Variants in LPP observed in about 807,000 individuals in gnomAD.
The protein encoded by LPP is lipoma-preferred partner.
A neutral mutation model predicts 60.4 loss-of-function variants in LPP; 38 were observed. The observed-to-expected ratio is 0.63, with a 90% confidence interval of 0.49 to 0.83. LPP has a LOEUF of 0.83. Ranked by LOEUF, LPP falls within the 40% of genes least tolerant of loss-of-function variation. The pLI is 0.00. For synonymous variants in LPP, 328 were observed against 290.8 expected, an observed-to-expected ratio of 1.13 and a Z score of -1.30; for missense variants, 902 against 783.6, an observed-to-expected ratio of 1.15 and a Z score of -1.80.
Position 188,154,209 on chromosome 3 carries a change from G to GCCGCCACCA in LPP, c.-230_-222dup, listed in dbSNP as rs1560064400. Among the ~76,000 whole-genome samples the GCCGCCACCA allele has an allele frequency of 2.6e-5, 4 of 151,466 alleles. No individual in the cohort carries two copies. Among genetic ancestry groups the GCCGCCACCA allele is most frequent in the Middle Eastern group, 3.4e-3 (1 of 292 alleles). ...TCCAGCCGCCGCCGCCGCCGCCGCCGCCGCCACCACCACCGCCGCTGCCCC... is the reference window on the plus strand; with the variant it reads ...TCCAGCCGCCGCCGCCGCCGCCGCCGCCGCCACCACCGCCACCACCACCGCCGCTGCCCC... On this transcript the variant is annotated 5_prime_UTR_variant, in exon 1 of 12. Coordinates refer to ENST00000617246, the MANE Select transcript of LPP (RefSeq NM_001375462.1).
intron 6 of LPP, among the ~76,000 whole-genome samples, chr3:188,543,944 G>C (rs897739043): frequency 1.1e-4 from 17 of 152,162 alleles, no homozygotes. Flanking sequence ...TTTATTTGTA[G>C]AATCTGTCAA....
At chr3:188,266,458 GGGAGAAGATGTGAAA>G (rs1017644742) in intron 2 of LPP, among the ~76,000 whole-genome samples, 1 of 151,794 alleles carries the variant, frequency 6.6e-6, no homozygotes, top group Non-Finnish European at 1.5e-5. Context: ...AAAGTGGCTG[GGGAGAAGATGTGAAA>G]GGAGAGAGAG....
chr3:188,767,458 A>G (rs113468968), intron 9 of LPP, among the ~76,000 whole-genome samples: 29 of 152,282 alleles, frequency 1.9e-4, no homozygotes, highest in African/African-American at 6.5e-4. Flanking sequence ...ACCTTAACAC[A>G]TTGCTTTTAG....
intron 7 of LPP, among the ~76,000 whole-genome samples, chr3:188,685,328 G>A (rs1311455079): frequency 1.3e-5 from 2 of 152,074 alleles, no homozygotes; most frequent in East Asian, 3.9e-4. Flanking sequence ...AGAATGGCTG[G>A]CTGTTGGTGT....
intron 2 of LPP, among the ~76,000 whole-genome samples, chr3:188,235,117 G>A (rs1721417856): frequency 6.6e-6 from 1 of 152,144 alleles, no homozygotes; most frequent in African/African-American, 2.4e-5. Context: ...AGAAGGAACT[G>A]GAAGTGCTTA....
chr3:188,830,008 T>TAA (rs11360601), intron 9 of LPP, among the ~76,000 whole-genome samples: 13 of 144,080 alleles, frequency 9.0e-5, no homozygotes, highest in African/African-American at 2.6e-4. Flanking sequence ...CCCATCTCAT[T>TAA]AAAAAAAAAA....
intron 7 of LPP, among the ~76,000 whole-genome samples, chr3:188,664,637 G>A (rs931555051): frequency 4.6e-5 from 7 of 151,624 alleles, no homozygotes; most frequent in African/African-American, 7.3e-5. Context: ...GTGTGTGTGT[G>A]GAGAGAGAGA....
Position 188,167,501 on chromosome 3 carries a change from CACAAAACAAA to C in LPP, c.-190+13280_-190+13289del, listed in dbSNP as rs59953137. Among the ~76,000 whole-genome samples the C allele has an allele frequency of 7.7e-3, 1,101 of 143,598 alleles. 4 individuals carry two copies. Among genetic ancestry groups the C allele is most frequent in the Middle Eastern group, 0.017 (5 of 288 alleles). 94.2% of individuals were successfully genotyped at this position (143,598 alleles called of 152,430 possible). The stretch of plus-strand genomic sequence containing the variant: ...GGGCAACGGAGCAAGACTCCACCAC[CACAAAACAAA>C]ACAAAACAAAACAAAACAAAACAAA... On this transcript the variant is annotated intron_variant, in intron 1 of 11. Coordinates refer to ENST00000617246, the MANE Select transcript of LPP (RefSeq NM_001375462.1).
chr3:188,240,627 A>C (rs552184122), intron 2 of LPP, among the ~76,000 whole-genome samples: 2 of 152,250 alleles, frequency 1.3e-5, no homozygotes, highest in Admixed American at 6.5e-5. Flanking sequence ...TTTGGGTAGA[A>C]ACTTTCATAT....
At chr3:188,843,776 G>C in intron 9 of LPP, among the ~76,000 whole-genome samples, 1 of 35,944 alleles carries the variant, frequency 2.8e-5, no homozygotes, top group South Asian at 1.2e-3. Flanking sequence ...GACAGAGCAA[G>C]ACTCCGTCTC....
At chr3:188,709,068 T>C (rs1866076814) in intron 8 of LPP, 1 of 152,200 alleles carries the variant, frequency 6.6e-6, no homozygotes, top group Admixed American at 6.5e-5. Context: ...TAATTTTTTT[T>C]TCTATCTCAG....
rs200249321 is a variant in LPP, at chr3:188,829,265, T to TA, written c.1411-36934dup. Among the ~76,000 whole-genome samples, 1,033 of 152,320 alleles carry TA rather than the reference T, an allele frequency of 6.8e-3. 11 individuals carry two copies. Among genetic ancestry groups the TA allele is most frequent in the African/African-American group, 0.024 (996 of 41,582 alleles). On this transcript the variant is annotated intron_variant, in intron 9 of 11. Transcript: ENST00000617246. Reference sequence around the variant, plus strand: ...TTAATCACCATACCTTCCCACCTCTTACGGGAATACCGAACTAATGGTCCT... The same window carrying TA: ...TTAATCACCATACCTTCCCACCTCTTAACGGGAATACCGAACTAATGGTCCT...
intron 6 of LPP, among the ~76,000 whole-genome samples, chr3:188,594,829 C>T (rs1337076589): frequency 2.6e-5 from 4 of 151,870 alleles, no homozygotes; most frequent in Admixed American, 2.6e-4. Context: ...GAAAAAAGAG[C>T]AAAATATCTG....
chr3:188,289,641 GT>G (rs990926208), intron 2 of LPP, among the ~76,000 whole-genome samples: 1 of 152,018 alleles, frequency 6.6e-6, no homozygotes, highest in African/African-American at 2.4e-5. Context: ...GTAAACACAT[GT>G]TTTTTTCATG....
intron 1 of LPP, among the ~76,000 whole-genome samples, chr3:188,172,440 G>C (rs1341745720): frequency 6.6e-6 from 1 of 152,182 alleles, no homozygotes; most frequent in Non-Finnish European, 1.5e-5. Context: ...CCTTAGAACA[G>C]AGCCTGACAT....
chr3:188,609,769 T>C lies in LPP; in HGVS notation c.1038T>C (p.Tyr346=), dbSNP rs770660669. Residue 346 remains tyrosine (Y), a synonymous_variant, in exon 7 of 12, where the codon TAT becomes TAC. Transcript: ENST00000617246. The surrounding 1 kb of genome is among the most constrained non-coding windows in gnomAD (Gnocchi z 6.9). ...GGAACCAGAACCCTCCTGGGATGTATCCAGTCACTGGTCCCAAGAAGACCT... is the reference window on the plus strand; with the variant it reads ...GGAACCAGAACCCTCCTGGGATGTACCCAGTCACTGGTCCCAAGAAGACCT... ...GAGNQNPPGM[Y]PVTGPKKTYI... is the part of the protein sequence containing the mutation. The C allele has an allele frequency of 5.0e-6, 8 of 1,614,038 alleles. No individual in the cohort carries two copies. The East Asian group carries it at 1.6e-4, about 31-fold the overall frequency.
chr3:188,800,246 C>CCT (rs1746658804), intron 9 of LPP, among the ~76,000 whole-genome samples: 1 of 97,310 alleles, frequency 1.0e-5, no homozygotes, highest in South Asian at 3.6e-4. Context: ...TTGAAGCTTT[C>CCT]TTTTTTTTTT....
chr3:188,419,844 A>G (rs1052685548), intron 4 of LPP, among the ~76,000 whole-genome samples: 8 of 152,192 alleles, frequency 5.3e-5, no homozygotes, highest in Admixed American at 1.3e-4. Context: ...AAGCCACTGC[A>G]TTCCATTCCA....
chr3:188,751,672 A>G (rs571045114), intron 8 of LPP, among the ~76,000 whole-genome samples: 52 of 152,292 alleles, frequency 3.4e-4, no homozygotes, highest in African/African-American at 1.2e-3. Context: ...TCCAGCTTCA[A>G]TATTTAACTC....
Sources: gnomAD v4.1 joint callset for allele counts (sites outside exome capture counted in the v4.1 genomes callset) on GRCh38, gnomAD v4.1.1 for gene constraint, Gnocchi (gnomAD v3.1) non-coding constraint, MANE v1.5 for transcripts, NCBI Gene and HGNC (gene_info 2026-07-23, HGNC 2026-07-21) for gene names.